The following DRC7 variants were observed in gnomAD, a reference collection of about 807,000 sequenced individuals.
The protein encoded by DRC7 is dynein regulatory complex subunit 7, also known as coiled-coil domain containing 135.
In DRC7, 80 loss-of-function variants were observed where a neutral mutation model predicts 104.4. The ratio of observed to expected loss-of-function variants is 0.77; its 90% CI spans 0.64 to 0.92. The LOEUF (loss-of-function observed/expected upper bound fraction) is 0.92. Among genes scored for constraint, DRC7 ranks in the 40% least tolerant of loss-of-function variants. The probability of loss-of-function intolerance (pLI) is 0.00; values close to 1 mark genes in which losing one functional copy is unlikely to be tolerated. For missense variants in DRC7, 1,034 were observed against 1,141.1 expected (o/e 0.91, Z 1.35); for synonymous variants, 405 against 447.3 (o/e 0.91, Z 1.19).
At position 57,722,738 on chromosome 16, in the gene DRC7, G is replaced by A. The variant is rs558987619; in HGVS notation, c.1305G>A (p.Gly435=). The A allele has an allele frequency of 8.9e-5, 144 of 1,613,850 alleles. No individual in the cohort carries two copies. The South Asian group carries it at 1.5e-3, about 16-fold the overall frequency. Residue 435 remains glycine, a synonymous_variant, in exon 11 of 19, where the codon GGG becomes GGA. Coordinates refer to ENST00000360716, the MANE Select transcript of DRC7 (RefSeq NM_001289162.2). ...CATTTGAGACCCGCTGCCCGAACGG[G>A]AAGAAGGTGATTCAGTACAAGAGGG... ...PEAFETRCPN[G]KKVIQYKRAK...
chr16:57,718,258 C>G (rs1462575051), intron 8 of DRC7, 89 bp from the exon 9 acceptor site: 1 of 1,516,738 alleles, frequency 6.6e-7, no homozygotes, highest in Non-Finnish European at 8.9e-7. Flanking sequence ...TTCTCTGCCC[C>G]GGAGTAGCCA....
intron 13 of DRC7, 46 bp from the exon 14 acceptor site, chr16:57,726,022 C>A: frequency 6.5e-7 from 1 of 1,532,320 alleles, no homozygotes; most frequent in Non-Finnish European, 8.9e-7. Context: ...AATCTCCTCT[C>A]ACACGCTCAT....
In DRC7 at chr16:57,727,299, G is replaced by A. The variant is rs771452617; in HGVS notation, c.2086G>A (p.Val696Met). The part of the protein sequence containing the change: ...RHQVWESELE[V>M]LEILKLREEE... ...CGCCCTCCAACACTTCTCATTTCAGGTGCTGGAGATTCTGAAGCTTCGAGA... is the reference window on the plus strand; with the variant it reads ...CGCCCTCCAACACTTCTCATTTCAGATGCTGGAGATTCTGAAGCTTCGAGA... Residue 696 changes from valine (V) to methionine (M), a missense_variant and splice_region_variant, in exon 16 of 19, where the codon GTG (valine) becomes ATG (methionine). By Grantham distance (21) the Val-to-Met change is conservative. Coordinates refer to ENST00000360716, the MANE Select transcript of DRC7 (RefSeq NM_001289162.2). The A allele has an allele frequency of 2.1e-5, 34 of 1,612,628 alleles. No individual in the cohort carries two copies. The highest frequency in any genetic ancestry group is 2.9e-5 in the Non-Finnish European group (34 of 1,179,358).
chr16:57,697,391 C>T (rs2048604705), intron 2 of DRC7, among the ~76,000 whole-genome samples: 2 of 151,294 alleles, frequency 1.3e-5, no homozygotes, highest in South Asian at 4.2e-4. Context: ...GCAACATAGC[C>T]AGACCCTGTC....
At chr16:57,716,055 C>T (rs2048839661) in intron 8 of DRC7, among the ~76,000 whole-genome samples, 1 of 152,212 alleles carries the variant, frequency 6.6e-6, no homozygotes, top group Non-Finnish European at 1.5e-5. Context: ...AGAGTGACTG[C>T]CTGGCGCAAA....
At chr16:57,725,990 C>A in intron 13 of DRC7, 78 bp from the exon 14 acceptor site, 1 of 1,287,050 alleles carries the variant, frequency 7.8e-7, no homozygotes, top group Middle Eastern at 2.1e-4. Flanking sequence ...GTTCGTTGCT[C>A]CTGCCTGCGG....
chr16:57,726,772 G>C, intron 14 of DRC7, 60 bp from the exon 15 acceptor site: 1 of 1,047,898 alleles, frequency 9.5e-7, no homozygotes, highest in Non-Finnish European at 1.5e-6. Context: ...TTGAACCCAG[G>C]TGGTCCTATG....
At chr16:57,714,840 T>C (rs1353176649) in intron 8 of DRC7, 2 of 349,000 alleles carry the variant, frequency 5.7e-6, no homozygotes, top group South Asian at 2.4e-5. Context: ...TATATACTAC[T>C]TGCATACATT....
chr16:57,702,564 C>T (rs2048671483), intron 6 of DRC7, among the ~76,000 whole-genome samples: 2 of 152,128 alleles, frequency 1.3e-5, no homozygotes, highest in African/African-American at 4.8e-5. Context: ...TTTGGGAGTC[C>T]AAGGCGAGCA....
chr16:57,696,420 G>GC (rs1443576594), intron 1 of DRC7, 44 bp from the exon 2 acceptor site: 1 of 152,196 alleles, frequency 6.6e-6, no homozygotes, highest in African/African-American at 2.4e-5. Context: ...GAGGAGAAGG[G>GC]CAGAGGGCTC....
chr16:57,722,507 G>T (rs1195149636), intron 10 of DRC7, among the ~76,000 whole-genome samples: 1 of 152,116 alleles, frequency 6.6e-6, no homozygotes, highest in Non-Finnish European at 1.5e-5. Flanking sequence ...TTCTTGGGTG[G>T]ATCTGTGCTT....
At position 57,724,672 on chromosome 16, in the gene DRC7, C is replaced by T. The variant is rs111650781; in HGVS notation, c.1595C>T (p.Thr532Met). 3.2e-5 allele frequency: 51 copies of T among 1,613,946 alleles called. 1 individual carries two copies. In the African/African-American group the frequency reaches 3.3e-4, roughly 11 times the overall value. Residue 532 changes from threonine to methionine, a missense_variant, in exon 13 of 19, where the codon ACG becomes ATG. Physicochemically the swap from Thr to Met is moderately conservative, Grantham distance 81. Transcript: ENST00000360716. ...GACCGTGTCATTGAGTTTTATGAAA[C>T]GGCCCGTGTGGATGGCCTGATGAAG... ...EMDRVIEFYE[T>M]ARVDGLMKRE...
chr16:57,729,904 GAGT>G (rs1259990514), intron 17 of DRC7, among the ~76,000 whole-genome samples: 2 of 130,846 alleles, frequency 1.5e-5, no homozygotes, highest in Non-Finnish European at 3.3e-5. Context: ...ATGAGTGAGT[GAGT>G]AGGTGGGTGG....
intron 9 of DRC7, among the ~76,000 whole-genome samples, chr16:57,720,053 C>T (rs1186721900): frequency 6.6e-6 from 1 of 152,200 alleles, no homozygotes; most frequent in Non-Finnish European, 1.5e-5. Flanking sequence ...TCACATGGTC[C>T]TTACTAAGCA....
At chr16:57,705,964 AT>A in intron 7 of DRC7, among the ~76,000 whole-genome samples, 1 of 101,546 alleles carries the variant, frequency 9.8e-6, no homozygotes, top group African/African-American at 3.9e-5. Context: ...CCATCCTTCC[AT>A]CCATCCATCC....
At chr16:57,706,459 C>A in intron 7 of DRC7, among the ~76,000 whole-genome samples, 1 of 141,264 alleles carries the variant, frequency 7.1e-6, no homozygotes, top group Middle Eastern at 4.9e-3. Context: ...TTTCTCCTCC[C>A]ATCCATCCAT....
chr16:57,702,277 G>A, intron 6 of DRC7, 147 bp downstream of exon 6: 1 of 721,880 alleles, frequency 1.4e-6, no homozygotes, highest in East Asian at 2.7e-5. Context: ...CCCTTCCGCT[G>A]CCCTGGAGTT....
chr16:57,729,367 C>A (rs539569450), intron 17 of DRC7, among the ~76,000 whole-genome samples: 165 of 66,126 alleles, frequency 2.5e-3, no homozygotes, highest in Non-Finnish European at 3.6e-3. Context: ...AGTGAGTGGG[C>A]AGATGGATGA....
intron 12 of DRC7, among the ~76,000 whole-genome samples, chr16:57,723,423 C>G (rs1191060480): frequency 2.0e-5 from 3 of 152,166 alleles, no homozygotes; most frequent in African/African-American, 7.2e-5. Flanking sequence ...TGGGGTCACA[C>G]GGTGGAGGCC....
Sources: gnomAD v4.1 joint callset for allele counts (sites outside exome capture counted in the v4.1 genomes callset) on GRCh38, gnomAD v4.1.1 for gene constraint, MANE v1.5 for transcripts, NCBI Gene and HGNC (gene_info 2026-07-23, HGNC 2026-07-21) for gene names.